The following OSBPL6 variants were observed in gnomAD, a reference collection of about 807,000 sequenced individuals.
The protein encoded by OSBPL6 is oxysterol binding protein like 6, also known as oxysterol-binding protein-related protein 6.
OSBPL6 carries 49 observed loss-of-function variants against 125.8 expected under a neutral mutation model. The observed-to-expected ratio is 0.39, with a 90% CI of 0.31 to 0.49. The LOEUF is 0.49. Ranked by LOEUF, OSBPL6 falls within the 20% of genes least tolerant of loss-of-function variation. The pLI is 0.88. For synonymous variants in OSBPL6, 394 were observed against 391.8 expected (o/e 1.01, Z -0.07); for missense variants, 986 against 1,135.4 (o/e 0.87, Z 1.89).
intron 1 of OSBPL6, among the ~76,000 whole-genome samples, chr2:178,205,788 T>C (rs2089497375): frequency 1.3e-5 from 2 of 152,230 alleles, no homozygotes; most frequent in Non-Finnish European, 2.9e-5. Flanking sequence ...TAGATTTGTA[T>C]ATTTCCAGAA....
chr2:178,213,104 G>A (rs2089938370), intron 1 of OSBPL6, among the ~76,000 whole-genome samples: 1 of 152,094 alleles, frequency 6.6e-6, no homozygotes, highest in Admixed American at 6.5e-5. Context: ...AACACGCCCG[G>A]CCGAGCACGG....
At chr2:178,283,857 T>C (rs1684451084) in intron 1 of OSBPL6, among the ~76,000 whole-genome samples, 1 of 152,146 alleles carries the variant, frequency 6.6e-6, no homozygotes, top group Non-Finnish European at 1.5e-5. Context: ...CCAGGTTCTT[T>C]TTCAGCAATC....
At chr2:178,228,560 C>G (rs576828542) in intron 1 of OSBPL6, among the ~76,000 whole-genome samples, 129 of 152,120 alleles carry the variant, frequency 8.5e-4, no homozygotes, top group Admixed American at 6.7e-3. Context: ...AAAATTAAGC[C>G]ACATATATCA....
chr2:178,201,592 T>C (rs1055575142), intron 1 of OSBPL6, among the ~76,000 whole-genome samples: 6 of 152,196 alleles, frequency 3.9e-5, no homozygotes, highest in African/African-American at 1.4e-4. Flanking sequence ...AGCAGATTAG[T>C]CTTTCCAGCA....
intron 1 of OSBPL6, among the ~76,000 whole-genome samples, chr2:178,267,408 T>C (rs2092269266): frequency 6.7e-6 from 1 of 149,666 alleles, no homozygotes; most frequent in Non-Finnish European, 1.5e-5. Flanking sequence ...TTCAATGACA[T>C]GAGTCTATCT....
chr2:178,276,098 C>T (rs1233969708), intron 1 of OSBPL6, among the ~76,000 whole-genome samples: 1 of 152,102 alleles, frequency 6.6e-6, no homozygotes, highest in African/African-American at 2.4e-5. Flanking sequence ...TACTTTCCCC[C>T]TAGTGTATCA....
chr2:178,392,763 A>G (rs1432670469), intron 23 of OSBPL6, among the ~76,000 whole-genome samples: 1 of 151,722 alleles, frequency 6.6e-6, no homozygotes, highest in Non-Finnish European at 1.5e-5. Context: ...AGGGAGGCTG[A>G]CGTGGGAGGA....
chr2:178,348,969 C>T (rs1344529662), intron 11 of OSBPL6, among the ~76,000 whole-genome samples: 1 of 152,114 alleles, frequency 6.6e-6, no homozygotes, highest in African/African-American at 2.4e-5. Context: ...GTCTTTTCTT[C>T]CTGTCATTCT....
rs927830660 is a variant in OSBPL6 at position 178,324,208 on chromosome 2, C to G, written c.134C>G (p.Ser45Cys). ...CACATACTGGAGAGGACTGCTTCCTCTAGCACCGAGCCCTCTGTAAGTCGG... is the reference window on the plus strand; with the variant it reads ...CACATACTGGAGAGGACTGCTTCCTGTAGCACCGAGCCCTCTGTAAGTCGG... ...SIHILERTAS[S>C]STEPSVSRQL... The change falls in exon 4 of 25, where the codon TCT becomes TGT. Residue 45 changes from serine to cysteine, a missense_variant. Physicochemically the swap from Ser to Cys is moderately radical, Grantham distance 112. This residue lies in a region of OSBPL6 where 130 missense variants were observed against 106.4 expected (regional missense o/e 1.22). Transcript: ENST00000190611. The G allele has an allele frequency of 3.2e-6, 5 of 1,581,504 alleles. No homozygotes were observed. The Admixed American group carries it at 5.1e-5, about 16-fold the overall frequency.
chr2:178,298,694 G>GTTTTTTTTTTTTTTTTTTT (rs757606940), intron 2 of OSBPL6, among the ~76,000 whole-genome samples: 1 of 139,428 alleles, frequency 7.2e-6, no homozygotes, highest in African/African-American at 2.6e-5. Context: ...ATTTTTAGTT[G>GTTTTTTTTTTTTTTTTTTT]CTTTTTTTTT....
At chr2:178,302,431 C>T (rs1380250683) in intron 2 of OSBPL6, among the ~76,000 whole-genome samples, 4 of 151,990 alleles carry the variant, frequency 2.6e-5, no homozygotes, top group Non-Finnish European at 2.9e-5. Context: ...ATAGCAGTTC[C>T]TACACTCTAA....
At chr2:178,345,631 C>CAT in intron 11 of OSBPL6, among the ~76,000 whole-genome samples, 2 of 151,964 alleles carry the variant, frequency 1.3e-5, no homozygotes. Flanking sequence ...ACAATAGATG[C>CAT]ATATATAATC....
At chr2:178,240,414 C>T (rs190920866) in intron 1 of OSBPL6, among the ~76,000 whole-genome samples, 134 of 151,974 alleles carry the variant, frequency 8.8e-4, no homozygotes, top group African/African-American at 2.9e-3. Context: ...ACTAAAAATA[C>T]GAAAATTAGC....
chr2:178,295,353 G>T (rs1685651184), intron 2 of OSBPL6, among the ~76,000 whole-genome samples: 1 of 152,154 alleles, frequency 6.6e-6, no homozygotes, highest in Admixed American at 6.6e-5. Context: ...CCAAGGTTCA[G>T]CACTATAGCC....
At chr2:178,202,851 A>T (rs551422144) in intron 1 of OSBPL6, among the ~76,000 whole-genome samples, 49 of 150,882 alleles carry the variant, frequency 3.2e-4, no homozygotes, top group Middle Eastern at 3.4e-3. Flanking sequence ...AAAGAAAAAG[A>T]TTCTTTTTAT....
chr2:178,356,069 G>A (rs1297725766), intron 12 of OSBPL6, among the ~76,000 whole-genome samples: 1 of 152,142 alleles, frequency 6.6e-6, no homozygotes, highest in Non-Finnish European at 1.5e-5. Context: ...AATAAACTAG[G>A]TATTGATGGA....
intron 4 of OSBPL6, among the ~76,000 whole-genome samples, chr2:178,326,814 A>G (rs1172100084): frequency 6.6e-6 from 1 of 152,224 alleles, no homozygotes; most frequent in Non-Finnish European, 1.5e-5. Flanking sequence ...GTAATATTGC[A>G]TCAGACTGAA....
intron 11 of OSBPL6, among the ~76,000 whole-genome samples, chr2:178,343,062 AAAAT>A (rs1415375967): frequency 1.3e-5 from 2 of 152,210 alleles, no homozygotes; most frequent in African/African-American, 4.8e-5. Context: ...ATGAAGATGG[AAAAT>A]AAATAAGATC....
chr2:178,237,857 C>A (rs2091124689), intron 1 of OSBPL6, among the ~76,000 whole-genome samples: 1 of 152,122 alleles, frequency 6.6e-6, no homozygotes, highest in African/African-American at 2.4e-5. Flanking sequence ...CCATCGCTAC[C>A]CTCCTCTCAT....
Sources: gnomAD v4.1 joint callset for allele counts (sites outside exome capture counted in the v4.1 genomes callset) on GRCh38, gnomAD v4.1.1 for gene constraint, gnomAD v4.1.1 regional missense constraint, MANE v1.5 for transcripts, NCBI Gene and HGNC (gene_info 2026-07-23, HGNC 2026-07-21) for gene names.